The following VSTM2B variants were observed in gnomAD, a reference collection of about 807,000 sequenced individuals.
The protein encoded by VSTM2B is V-set and transmembrane domain-containing protein 2B.
VSTM2B carries 24 observed loss-of-function variants against 24.0 expected under a neutral mutation model. The observed-to-expected ratio is 1.00, with a 90% CI of 0.72 to 1.40. VSTM2B has a LOEUF of 1.40. Among genes scored for constraint, VSTM2B ranks in the 40% most tolerant of loss-of-function variants. The pLI is 0.00. For missense variants in VSTM2B, 399 were observed against 416.4 expected (o/e 0.96, Z 0.36); for synonymous variants, 226 against 194.4 (o/e 1.16, Z -1.35).
At chr19:29,536,159 C>T (rs1302277400) in intron 4 of VSTM2B, among the ~76,000 whole-genome samples, 1 of 152,200 alleles carries the variant, frequency 6.6e-6, no homozygotes, top group African/African-American at 2.4e-5. Flanking sequence ...CCTTCTGGGC[C>T]CAGCCCCACG....
chr19:29,529,866 T>A lies in VSTM2B; in HGVS notation c.345T>A (p.Ser115=). ...ACATCTCACACCGGCTTCGGCTGTCTGCCGTGCGGCTGCAGGACGAGGGCG... is the reference window on the plus strand; with the variant it reads ...ACATCTCACACCGGCTTCGGCTGTCAGCCGTGCGGCTGCAGGACGAGGGCG... The part of the protein sequence containing the change: ...GNDISHRLRL[S]AVRLQDEGVY... The change falls in exon 4 of 5, where the codon TCT becomes TCA. Residue 115 remains serine (S), a synonymous_variant. Transcript: ENST00000335523. 1 of 1,550,128 alleles carries A rather than the reference T, an allele frequency of 6.5e-7. No homozygotes were observed. Among genetic ancestry groups the A allele is most frequent in the Non-Finnish European group, 8.7e-7 (1 of 1,146,752 alleles).
intron 4 of VSTM2B, among the ~76,000 whole-genome samples, chr19:29,558,621 A>G (rs1320478861): frequency 2.0e-5 from 3 of 152,230 alleles, no homozygotes; most frequent in Admixed American, 6.5e-5. Flanking sequence ...CAGAAAACCA[A>G]ACACCACATG....
At position 29,526,004 on chromosome 19, in the gene VSTM2B, G is replaced by T. The variant is rs1969551648; in HGVS notation, c.-580G>T. ...CCTCCCCCTCTCCCCGCCTCTCTCC[G>T]GCTCCGGGTCCGCCACGCCGGACCC... On this transcript the variant is annotated 5_prime_UTR_variant, in exon 1 of 5. Coordinates refer to ENST00000335523, the MANE Select transcript of VSTM2B (RefSeq NM_001146339.2). The surrounding 1 kb of genome is among the most constrained non-coding windows in gnomAD (Gnocchi z 4.1). Among the ~76,000 whole-genome samples, 1 of 151,784 alleles carries T rather than the reference G, an allele frequency of 6.6e-6. No homozygotes were observed. The highest frequency in any genetic ancestry group is 1.5e-5 in the Non-Finnish European group (1 of 67,856).
intron 4 of VSTM2B, among the ~76,000 whole-genome samples, chr19:29,541,146 G>C (rs1970010437): frequency 6.6e-6 from 1 of 152,226 alleles, no homozygotes; most frequent in African/African-American, 2.4e-5. Flanking sequence ...GGGTCAAACT[G>C]TAAGGCCTTT....
chr19:29,552,784 G>A (rs1429375928), intron 4 of VSTM2B, among the ~76,000 whole-genome samples: 1 of 152,226 alleles, frequency 6.6e-6, no homozygotes, highest in African/African-American at 2.4e-5. Context: ...CCAGTACTGG[G>A]GAGACTAGGT....
intron 4 of VSTM2B, among the ~76,000 whole-genome samples, chr19:29,559,417 C>T (rs1188483520): frequency 6.6e-6 from 1 of 152,104 alleles, no homozygotes; most frequent in South Asian, 2.1e-4. Flanking sequence ...ACAATGAGAA[C>T]ACATGGACAC....
chr19:29,526,839 C>G lies in VSTM2B; in HGVS notation c.82+174C>G. 1 of 569,566 alleles carries G rather than the reference C, an allele frequency of 1.8e-6. No individual in the cohort carries two copies. Among genetic ancestry groups the G allele is most frequent in the Non-Finnish European group, 2.9e-6 (1 of 347,512 alleles). 35.3% of individuals were successfully genotyped at this position (569,566 alleles called of 1,614,324 possible). On this transcript the variant is annotated intron_variant, in intron 1 of 4. Transcript: ENST00000335523. This position sits in a 1 kb window ranked among gnomAD's most constrained non-coding sequence, Gnocchi z 4.1. ...GGCGAGCGGCGAAGGGTCGCCGCAG[C>G]AGCAGCGCCGCGCCCGAGTCGTTCC...
At chr19:29,538,341 A>T (rs1046295367) in intron 4 of VSTM2B, among the ~76,000 whole-genome samples, 1 of 152,170 alleles carries the variant, frequency 6.6e-6, no homozygotes, top group Admixed American at 6.5e-5. Flanking sequence ...CCGTGGAAAG[A>T]TGTTAGCTTA....
intron 3 of VSTM2B, 87 bp from the exon 4 acceptor site, chr19:29,529,732 G>T: frequency 7.6e-7 from 1 of 1,313,786 alleles, no homozygotes; most frequent in Non-Finnish European, 1.1e-6. Flanking sequence ...GTTGGGGTGC[G>T]CGGATGAGGG....
chr19:29,529,394 C>A (rs1790098118), intron 3 of VSTM2B, among the ~76,000 whole-genome samples: 1 of 152,212 alleles, frequency 6.6e-6, no homozygotes. Flanking sequence ...GCGGGACTGT[C>A]GGTTGGAGCG....
At chr19:29,540,632 G>T (rs1294210781) in intron 4 of VSTM2B, among the ~76,000 whole-genome samples, 1 of 152,206 alleles carries the variant, frequency 6.6e-6, no homozygotes, top group African/African-American at 2.4e-5. Context: ...TATATTCATT[G>T]GACTTGGTAC....
At chr19:29,529,180 G>A in intron 3 of VSTM2B, 3 of 966,764 alleles carry the variant, frequency 3.1e-6, no homozygotes, top group Non-Finnish European at 3.7e-6. Context: ...GGAGCACTTC[G>A]CTGGGGGGCT....
chr19:29,548,207 C>T (rs1970193761), intron 4 of VSTM2B, among the ~76,000 whole-genome samples: 1 of 152,076 alleles, frequency 6.6e-6, no homozygotes, highest in African/African-American at 2.4e-5. Context: ...GACACGGAGG[C>T]AGCCATCTGG....
intron 4 of VSTM2B, among the ~76,000 whole-genome samples, chr19:29,553,542 C>A (rs949771793): frequency 6.6e-6 from 1 of 152,204 alleles, no homozygotes; most frequent in African/African-American, 2.4e-5. Context: ...GCCAGAGTGC[C>A]TCTTCTCCTC....
intron 4 of VSTM2B, among the ~76,000 whole-genome samples, chr19:29,562,671 T>G (rs1488045547): frequency 6.6e-6 from 1 of 152,104 alleles, no homozygotes; most frequent in Non-Finnish European, 1.5e-5. Context: ...TCGTGCAGGG[T>G]GCTTCCACAC....
At chr19:29,531,777 A>T (rs1033387954) in intron 4 of VSTM2B, among the ~76,000 whole-genome samples, 4 of 152,256 alleles carry the variant, frequency 2.6e-5, no homozygotes, top group African/African-American at 9.6e-5. Context: ...GTGCTGTGAC[A>T]AATAAACCCC....
intron 4 of VSTM2B, among the ~76,000 whole-genome samples, chr19:29,546,912 A>T (rs1970170827): frequency 6.6e-6 from 1 of 152,206 alleles, no homozygotes; most frequent in Non-Finnish European, 1.5e-5. Context: ...CTCATCCCCC[A>T]TTCTCCTTCC....
intron 4 of VSTM2B, among the ~76,000 whole-genome samples, chr19:29,537,952 G>A (rs974457563): frequency 7.9e-5 from 12 of 152,138 alleles, no homozygotes; most frequent in African/African-American, 2.4e-4. Flanking sequence ...AGCATCACCC[G>A]AGGGACACTG....
intron 4 of VSTM2B, among the ~76,000 whole-genome samples, chr19:29,542,433 C>T (rs561615099): frequency 1.3e-4 from 17 of 135,100 alleles, no homozygotes; most frequent in Admixed American, 1.5e-4. Context: ...AAGAATGATG[C>T]GTAGATGGGT....
Sources: gnomAD v4.1 joint callset for allele counts (sites outside exome capture counted in the v4.1 genomes callset) on GRCh38, gnomAD v4.1.1 for gene constraint, Gnocchi (gnomAD v3.1) non-coding constraint, MANE v1.5 for transcripts, NCBI Gene and HGNC (gene_info 2026-07-23, HGNC 2026-07-21) for gene names.